Variants in PTPRG observed in about 807,000 individuals in gnomAD.
PTPRG encodes protein tyrosine phosphatase receptor type G.
PTPRG carries 102 observed loss-of-function variants against 165.3 expected under a neutral mutation model. The observed-to-expected ratio is 0.62, with a 90% CI of 0.53 to 0.73. PTPRG has a LOEUF of 0.73. Among genes scored for constraint, PTPRG ranks in the 30% least tolerant of loss-of-function variants. The probability of loss-of-function intolerance (pLI) is 0.00; values close to 1 mark genes in which losing one functional copy is unlikely to be tolerated. For synonymous variants in PTPRG, 675 were observed against 669.5 expected (o/e 1.01, Z -0.13); for missense variants, 1,866 against 1,861.4 (o/e 1.00, Z -0.05).
At chr3:61,917,861 G>A (rs2038980100) in intron 2 of PTPRG, among the ~76,000 whole-genome samples, 5 of 152,182 alleles carry the variant, frequency 3.3e-5, no homozygotes, top group Admixed American at 3.3e-4. Flanking sequence ...GAAGCCAAGA[G>A]GTGGAGGTTG....
chr3:61,614,963 A>G (rs1375549935), intron 1 of PTPRG, among the ~76,000 whole-genome samples: 1 of 152,146 alleles, frequency 6.6e-6, no homozygotes, highest in Non-Finnish European at 1.5e-5. Context: ...TTCTGAAAGA[A>G]CCTACCGCTT....
In PTPRG at chr3:62,271,265, G is replaced by A; in HGVS notation, c.3010-118G>A. On this transcript the variant is annotated intron_variant, in intron 20 of 29. Transcript: ENST00000474889. This position sits in a 1 kb window ranked among gnomAD's most constrained non-coding sequence, Gnocchi z 4.1. Reference sequence around the variant, plus strand: ...GCTACAAGGGGGAATAACCTAGCCTGGGAACAGTGATTAGGGTGAATGTGA... The same window carrying A: ...GCTACAAGGGGGAATAACCTAGCCTAGGAACAGTGATTAGGGTGAATGTGA... 1 of 850,708 alleles carries A rather than the reference G, an allele frequency of 1.2e-6. No homozygotes were observed. Among genetic ancestry groups the A allele is most frequent in the Non-Finnish European group, 1.8e-6 (1 of 566,832 alleles). The allele number at this position is 850,708 out of a possible 1,614,324, so 52.7% of individuals were successfully genotyped here. A position where few individuals can be genotyped will look rare whatever the true frequency, so the allele number is the denominator to read the frequency against.
intron 2 of PTPRG, among the ~76,000 whole-genome samples, chr3:61,957,730 G>A (rs1398071768): frequency 1.3e-5 from 2 of 152,184 alleles, no homozygotes; most frequent in South Asian, 2.1e-4. Flanking sequence ...TTCATCTTGT[G>A]TCTTACAGGC....
chr3:62,051,612 A>G (rs1700471761), intron 4 of PTPRG, among the ~76,000 whole-genome samples: 1 of 152,122 alleles, frequency 6.6e-6, no homozygotes, highest in South Asian at 2.1e-4. Context: ...AGGAATCCAC[A>G]TTTTCTTTAA....
intron 1 of PTPRG, among the ~76,000 whole-genome samples, chr3:61,593,589 G>T (rs1700626927): frequency 6.6e-6 from 1 of 151,620 alleles, no homozygotes; most frequent in South Asian, 2.1e-4. Context: ...GATGAATGAG[G>T]TTCTTATAAT....
In PTPRG at chr3:61,980,165, G is replaced by A. The variant is rs184753368; in HGVS notation, c.191-9460G>A. ...CATACAAAGAAAGGAAATCCTGGCC[G>A]TGTTTAAACCAGACCTTAACTGCCA... On this transcript the variant is annotated intron_variant, in intron 2 of 29. Coordinates refer to ENST00000474889, the MANE Select transcript of PTPRG (RefSeq NM_002841.4). Among the ~76,000 whole-genome samples the A allele has an allele frequency of 2.7e-4, 41 of 152,246 alleles. No individual in the cohort carries two copies. In the East Asian group the frequency reaches 5.4e-3, roughly 20 times the overall value.
chr3:61,647,146 G>A (rs1426412877), intron 1 of PTPRG, among the ~76,000 whole-genome samples: 2 of 152,130 alleles, frequency 1.3e-5, no homozygotes, highest in South Asian at 2.1e-4. Context: ...TTGCTGGGTC[G>A]TATAGTAAGT....
chr3:61,632,934 TG>T (rs1701808907), intron 1 of PTPRG, among the ~76,000 whole-genome samples: 1 of 152,200 alleles, frequency 6.6e-6, no homozygotes, highest in Non-Finnish European at 1.5e-5. Context: ...TTGCTTACCT[TG>T]CATGCCGGCT....
intron 2 of PTPRG, among the ~76,000 whole-genome samples, chr3:61,846,259 C>G (rs1021703526): frequency 3.3e-5 from 5 of 152,158 alleles, no homozygotes; most frequent in African/African-American, 4.8e-5. Flanking sequence ...GCTACAATAG[C>G]AAGTAATTAA....
At chr3:61,963,603 A>G (rs375803617) in intron 2 of PTPRG, among the ~76,000 whole-genome samples, 3 of 152,198 alleles carry the variant, frequency 2.0e-5, no homozygotes, top group African/African-American at 7.2e-5. Context: ...GAATTTAAAG[A>G]CAGTATTTTA....
intron 2 of PTPRG, among the ~76,000 whole-genome samples, chr3:61,866,570 G>T (rs1157235824): frequency 2.3e-5 from 3 of 131,332 alleles, no homozygotes; most frequent in Non-Finnish European, 3.2e-5. Flanking sequence ...CCTGGCTTTG[G>T]AACTGTTTGC....
intron 1 of PTPRG, among the ~76,000 whole-genome samples, chr3:61,680,163 G>A (rs757975281): frequency 2.0e-5 from 3 of 152,116 alleles, no homozygotes; most frequent in African/African-American, 4.8e-5. Flanking sequence ...CAATAGGATG[G>A]CCATCTGCCC....
At chr3:62,129,569 G>T (rs1042247141) in intron 5 of PTPRG, among the ~76,000 whole-genome samples, 1 of 152,054 alleles carries the variant, frequency 6.6e-6, no homozygotes, top group Non-Finnish European at 1.5e-5. Flanking sequence ...AGCAAGAGGG[G>T]GTTGCAAGGG....
intron 1 of PTPRG, among the ~76,000 whole-genome samples, chr3:61,579,715 T>C (rs902500453): frequency 3.3e-5 from 5 of 152,324 alleles, no homozygotes; most frequent in East Asian, 3.9e-4. Context: ...ATTGCACTTA[T>C]TGGATTGAAT....
At chr3:61,941,757 C>T (rs1183330505) in intron 2 of PTPRG, among the ~76,000 whole-genome samples, 1 of 152,122 alleles carries the variant, frequency 6.6e-6, no homozygotes, top group African/African-American at 2.4e-5. Flanking sequence ...CAGTTTTTTT[C>T]ATTCTTAAGA....
chr3:62,281,537 G>GTTTTTTTTTTTTTTTTT lies in PTPRG; in HGVS notation c.3766-26_3766-25insTTTTTTTTTTTTTTTTT, dbSNP rs778994257. On this transcript the variant is annotated intron_variant, in intron 26 of 29. Coordinates refer to ENST00000474889, the MANE Select transcript of PTPRG (RefSeq NM_002841.4). ...ACAAATCCTTGACAGAACTGCAGAG[G>GTTTTTTTTTTTTTTTTT]CTTTTTTTTTTTTTGGATTCCAAAG... 18 of 174,992 alleles carry GTTTTTTTTTTTTTTTTT rather than the reference G, an allele frequency of 1.0e-4. 1 individual carries two copies. The highest frequency in any genetic ancestry group is 1.0e-3 in the Middle Eastern group (1 of 962). 10.8% of individuals were successfully genotyped at this position (174,992 alleles called of 1,614,324 possible). A position where few individuals can be genotyped will look rare whatever the true frequency, so the allele number is the denominator to read the frequency against.
chr3:62,242,559 G>T (rs1391924039), intron 14 of PTPRG, among the ~76,000 whole-genome samples: 1 of 152,194 alleles, frequency 6.6e-6, no homozygotes, highest in Admixed American at 6.5e-5. Context: ...CTGATTGCGT[G>T]TGGTTATAAT....
chr3:62,180,256 T>C (rs1705595038), intron 8 of PTPRG, among the ~76,000 whole-genome samples: 1 of 152,176 alleles, frequency 6.6e-6, no homozygotes, highest in African/African-American at 2.4e-5. Flanking sequence ...TTGGATGGTG[T>C]TTGGATACCA....
At chr3:61,713,942 C>G (rs546096405) in intron 1 of PTPRG, among the ~76,000 whole-genome samples, 1 of 152,256 alleles carries the variant, frequency 6.6e-6, no homozygotes, top group South Asian at 2.1e-4. Flanking sequence ...TGCTAGGTTA[C>G]AAATGAACGA....
Sources: gnomAD v4.1 joint callset for allele counts (sites outside exome capture counted in the v4.1 genomes callset) on GRCh38, gnomAD v4.1.1 for gene constraint, Gnocchi (gnomAD v3.1) non-coding constraint, MANE v1.5 for transcripts, NCBI Gene and HGNC (gene_info 2026-07-23, HGNC 2026-07-21) for gene names.